FER1L6: variants seen among roughly 807,000 people sequenced by gnomAD.
FER1L6 encodes the protein fer-1 like family member 6.
FER1L6 carries 177 observed loss-of-function variants against 219.2 expected under a neutral mutation model. That is an observed-to-expected ratio of 0.81 (90% CI 0.71 to 0.91). The LOEUF (loss-of-function observed/expected upper bound fraction) is 0.91. Ranked by LOEUF, FER1L6 falls within the 40% of genes least tolerant of loss-of-function variation. The pLI is 0.00. For synonymous variants in FER1L6, 768 were observed against 824.3 expected (o/e 0.93, Z 1.17); for missense variants, 2,153 against 2,259.9 (o/e 0.95, Z 0.96).
chr8:124,060,897 A>AC (rs1487292391), intron 24 of FER1L6, 188 bp downstream of exon 24: 1 of 600,604 alleles, frequency 1.7e-6, no homozygotes, highest in Non-Finnish European at 2.7e-6. Flanking sequence ...TGTGGATCAT[A>AC]CAGCAATCAA....
intron 33 of FER1L6, among the ~76,000 whole-genome samples, chr8:124,090,807 A>G (rs1368269518): frequency 6.6e-6 from 1 of 152,178 alleles, no homozygotes; most frequent in Non-Finnish European, 1.5e-5. Flanking sequence ...TCAAGACTCT[A>G]TCTGTGACAT....
chr8:124,051,153 C>T (rs1160027656), intron 22 of FER1L6, among the ~76,000 whole-genome samples: 4 of 152,146 alleles, frequency 2.6e-5, no homozygotes, highest in African/African-American at 2.4e-5. Context: ...TAACCTCTCC[C>T]TCTCTTGGTC....
At chr8:124,045,652 C>A in intron 20 of FER1L6, 115 bp from the exon 21 acceptor site, 1 of 1,119,084 alleles carries the variant, frequency 8.9e-7, no homozygotes, top group Non-Finnish European at 1.3e-6. Context: ...GAATGGTGAG[C>A]AATCACAATG....
intron 1 of FER1L6, among the ~76,000 whole-genome samples, chr8:123,854,379 G>A (rs1047124420): frequency 1.3e-5 from 2 of 152,154 alleles, no homozygotes; most frequent in African/African-American, 4.8e-5. Flanking sequence ...GCGTGTTCTG[G>A]GAGATTATGT....
intron 11 of FER1L6, chr8:123,984,841 C>T (rs766672030): frequency 3.4e-4 from 52 of 152,182 alleles, no homozygotes; most frequent in African/African-American, 1.1e-3. Context: ...TCTTGATCCC[C>T]GGGGCCACAA....
At chr8:123,936,462 G>GTTTTTTTTTTT (rs779012175) in intron 1 of FER1L6, among the ~76,000 whole-genome samples, 3 of 97,928 alleles carry the variant, frequency 3.1e-5, no homozygotes, top group Non-Finnish European at 6.0e-5. Context: ...ATTGCAGCCT[G>GTTTTTTTTTTT]TTTTTTTTTT....
chr8:124,021,298 C>A (rs1005874939), intron 16 of FER1L6, among the ~76,000 whole-genome samples: 4 of 152,118 alleles, frequency 2.6e-5, no homozygotes, highest in African/African-American at 9.7e-5. Context: ...AGCCATGTGA[C>A]CTTGATAAAC....
chr8:124,005,745 A>T (rs1301808203), intron 13 of FER1L6, among the ~76,000 whole-genome samples: 3 of 152,218 alleles, frequency 2.0e-5, no homozygotes, highest in African/African-American at 7.2e-5. Context: ...ACAGAGTACT[A>T]TGGGAACAGA....
At chr8:124,081,605 CAAAAAAA>C (rs1243602409) in intron 32 of FER1L6, among the ~76,000 whole-genome samples, 2 of 53,028 alleles carry the variant, frequency 3.8e-5, no homozygotes, top group South Asian at 1.5e-3. Flanking sequence ...ATGCAGAGAC[CAAAAAAA>C]AAAAAAAAAA....
At chr8:123,959,661 C>A (rs186606142) in intron 2 of FER1L6, among the ~76,000 whole-genome samples, 2 of 152,072 alleles carry the variant, frequency 1.3e-5, no homozygotes, top group African/African-American at 2.4e-5. Context: ...AATCAGCGAA[C>A]CAAAATGCAC....
chr8:123,994,818 G>A (rs1408232139), intron 12 of FER1L6, among the ~76,000 whole-genome samples: 2 of 152,238 alleles, frequency 1.3e-5, no homozygotes, highest in African/African-American at 4.8e-5. Flanking sequence ...GCTTCTACAA[G>A]GTCCCCTGTG....
intron 15 of FER1L6, 93 bp from the exon 16 acceptor site, chr8:124,017,535 A>T: frequency 1.1e-6 from 1 of 912,540 alleles, no homozygotes; most frequent in Non-Finnish European, 1.7e-6. Flanking sequence ...AAAGCTTTCC[A>T]CTGTATTGCA....
At chr8:123,859,007 A>AT (rs34978649) in intron 1 of FER1L6, among the ~76,000 whole-genome samples, 4,524 of 150,400 alleles carry the variant, frequency 0.03, 82 homozygotes, top group Non-Finnish European at 0.042. Flanking sequence ...TCATTTATTC[A>AT]TTTTTTTTTT....
intron 20 of FER1L6, among the ~76,000 whole-genome samples, chr8:124,043,240 T>A (rs1263312936): frequency 2.0e-5 from 3 of 152,194 alleles, no homozygotes; most frequent in African/African-American, 7.2e-5. Context: ...ACAATGCTCA[T>A]AACTCCGCAG....
intron 36 of FER1L6, 74 bp from the exon 37 acceptor site, chr8:124,097,710 AT>A (rs939008314): frequency 2.4e-6 from 2 of 834,206 alleles, no homozygotes; most frequent in Non-Finnish European, 4.2e-6. Flanking sequence ...ACCAAAGGCA[AT>A]GCTAGAACCA....
intron 22 of FER1L6, among the ~76,000 whole-genome samples, chr8:124,055,242 C>T (rs560584417): frequency 7.9e-5 from 12 of 152,206 alleles, no homozygotes; most frequent in Non-Finnish European, 1.8e-4. Flanking sequence ...AGTTTAAGAC[C>T]AGCCTAGGCG....
At chr8:123,855,732 CGTAAT>C (rs1563663111) in intron 1 of FER1L6, among the ~76,000 whole-genome samples, 2 of 140,538 alleles carry the variant, frequency 1.4e-5, no homozygotes, top group African/African-American at 5.3e-5. Flanking sequence ...CACACATATA[CGTAAT>C]ATGTGTGTAT....
At chr8:123,927,551 T>C (rs1029291357) in intron 1 of FER1L6, among the ~76,000 whole-genome samples, 3 of 152,232 alleles carry the variant, frequency 2.0e-5, no homozygotes, top group African/African-American at 7.2e-5. Flanking sequence ...TTGTCAAATT[T>C]TGTAATAATT....
At chr8:124,060,869 G>T in intron 24 of FER1L6, 160 bp downstream of exon 24, 1 of 823,890 alleles carries the variant, frequency 1.2e-6, no homozygotes, top group Middle Eastern at 2.6e-4. Flanking sequence ...TTGTTGTTTT[G>T]TTTTGAAACG....
Sources: allele counts gnomAD v4.1 joint callset (sites outside exome capture counted in the v4.1 genomes callset), GRCh38; gene constraint gnomAD v4.1.1; transcripts MANE v1.5; gene names NCBI Gene and HGNC (gene_info 2026-07-23, HGNC 2026-07-21).